The following BUB1 variants were observed in gnomAD, a reference collection of about 807,000 sequenced individuals.
BUB1 encodes mitotic checkpoint serine/threonine-protein kinase BUB1.
BUB1 carries 84 observed loss-of-function variants against 135.2 expected under a neutral mutation model. The observed-to-expected ratio is 0.62, with a 90% CI of 0.52 to 0.74. The LOEUF is 0.74. BUB1 is among the 30% of genes least tolerant of loss of function. The probability of loss-of-function intolerance (pLI) is 0.00; values close to 1 mark genes in which losing one functional copy is unlikely to be tolerated. For synonymous variants in BUB1, 403 were observed against 434.4 expected, an observed-to-expected ratio of 0.93 and a Z score of 0.90; for missense variants, 1,162 against 1,288.3, an observed-to-expected ratio of 0.90 and a Z score of 1.50.
chr2:110,660,092 G>A (rs370924116), intron 10 of BUB1, 56 bp from the exon 11 acceptor site: 9 of 1,461,784 alleles, frequency 6.2e-6, no homozygotes, highest in South Asian at 4.6e-5. Flanking sequence ...ATCTAGGCTG[G>A]GTGCGGTGGT....
chr2:110,676,142 T>C (rs939640052), intron 1 of BUB1, among the ~76,000 whole-genome samples: 1 of 150,808 alleles, frequency 6.6e-6, no homozygotes, highest in African/African-American at 2.4e-5. Flanking sequence ...AATGATAAAC[T>C]GGAAAAACAA....
chr2:110,645,297 G>A (rs1689612605), intron 19 of BUB1, among the ~76,000 whole-genome samples: 1 of 152,046 alleles, frequency 6.6e-6, no homozygotes, highest in South Asian at 2.1e-4. Flanking sequence ...AGCTGGGCGT[G>A]GTGGTGTGCG....
At chr2:110,641,952 A>C (rs1689517396) in intron 20 of BUB1, 149 bp from the exon 21 acceptor site, 1 of 1,105,858 alleles carries the variant, frequency 9.0e-7, no homozygotes. Context: ...GCTCCAAGAC[A>C]ATTTTAGTGG....
At position 110,667,521 on chromosome 2, in the gene BUB1, C is replaced by T. The variant is rs1469838937; in HGVS notation, c.805G>A (p.Val269Ile). The T allele has an allele frequency of 1.9e-6, 3 of 1,608,592 alleles. No homozygotes were observed. The highest frequency in any genetic ancestry group is 1.7e-5 in the Admixed American group (1 of 58,730). The change falls in exon 8 of 25, where the codon GTA becomes ATA. Residue 269 changes from valine (V) to isoleucine (I), a missense_variant and splice_region_variant. By Grantham distance (29) the Val-to-Ile change is conservative. Coordinates refer to ENST00000302759, the MANE Select transcript of BUB1 (RefSeq NM_004336.5). ...YNQRRKHEQW[V>I]NEDRHYMKRK... ...ACTAAAAATACAAGATTGCAAGTACCCCATTGCTCATGCTTTCTCCGTTGA... is the reference window on the plus strand; with the variant it reads ...ACTAAAAATACAAGATTGCAAGTACTCCATTGCTCATGCTTTCTCCGTTGA...
chr2:110,642,117 A>C lies in BUB1; in HGVS notation c.2463+2T>G. The stretch of plus-strand genomic sequence containing the variant: ...ATACAAAAGACAACTCAGGTCATTT[A>C]CCTTTAAAACAAATTTCTGTTTATT... On this transcript the variant is annotated splice_donor_variant, in intron 20 of 24. Coordinates refer to ENST00000302759, the MANE Select transcript of BUB1 (RefSeq NM_004336.5). LOFTEE classifies it high-confidence loss of function. 1 of 1,595,852 alleles carries C rather than the reference A, an allele frequency of 6.3e-7. No individual in the cohort carries two copies. Among genetic ancestry groups the C allele is most frequent in the Non-Finnish European group, 8.6e-7 (1 of 1,168,800 alleles).
intron 16 of BUB1, among the ~76,000 whole-genome samples, chr2:110,655,538 A>C (rs1440754030): frequency 2.0e-5 from 3 of 152,168 alleles, no homozygotes; most frequent in Non-Finnish European, 4.4e-5. Context: ...AAATACATAG[A>C]CTTTAGGAAG....
intron 1 of BUB1, among the ~76,000 whole-genome samples, 156 bp downstream of exon 1, chr2:110,677,814 G>A (rs952940259): frequency 6.6e-6 from 1 of 152,192 alleles, no homozygotes; most frequent in Non-Finnish European, 1.5e-5. Context: ...GCCCTCCCCG[G>A]CTCTCAAGCA....
intron 23 of BUB1, 60 bp downstream of exon 23, chr2:110,640,974 G>T: frequency 1.4e-6 from 2 of 1,477,784 alleles, no homozygotes. Flanking sequence ...AATTCATTTT[G>T]AAAATCTGAT....
chr2:110,639,892 C>T, intron 23 of BUB1, 44 bp from the exon 24 acceptor site: 1 of 1,429,162 alleles, frequency 7.0e-7, no homozygotes, highest in Non-Finnish European at 9.9e-7. Context: ...TAGTAATTTA[C>T]ACATGACTAT....
intron 4 of BUB1, 23 bp from the exon 5 acceptor site, chr2:110,670,591 T>A: frequency 6.2e-7 from 1 of 1,612,168 alleles, no homozygotes; most frequent in Non-Finnish European, 8.5e-7. Context: ...AGAAAAGGCA[T>A]CAATGTAGAT....
chr2:110,641,932 T>C, intron 20 of BUB1, 129 bp from the exon 21 acceptor site: 4 of 1,162,158 alleles, frequency 3.4e-6, no homozygotes, highest in Non-Finnish European at 4.9e-6. Flanking sequence ...GTTGCTGCAA[T>C]GTGGGGCTTG....
rs114676447 is a variant in BUB1, at chr2:110,640,897, T to C, written c.2955+137A>G. 5.2e-4 allele frequency: 389 copies of C among 751,518 alleles called. No homozygotes were observed. The African/African-American group carries it at 6.2e-3, about 12-fold the overall frequency. 46.6% of individuals were successfully genotyped at this position (751,518 alleles called of 1,614,324 possible). On this transcript the variant is annotated intron_variant, in intron 23 of 24. Transcript: ENST00000302759. Reference sequence around the variant, plus strand: ...GGAATAGAATTCTATCCCTGCCATGTTGGCCTTAGGCTCATCTCTCCTTCA... The same window carrying C: ...GGAATAGAATTCTATCCCTGCCATGCTGGCCTTAGGCTCATCTCTCCTTCA...
intron 5 of BUB1, among the ~76,000 whole-genome samples, chr2:110,670,041 G>T (rs907735590): frequency 6.6e-6 from 1 of 151,452 alleles, no homozygotes; most frequent in Non-Finnish European, 1.5e-5. Context: ...CTGCTCTTTG[G>T]GGCTATTTAG....
Position 110,655,769 on chromosome 2 carries a change from CTGGAA to C in BUB1, c.1841_1845del (p.Leu614ArgfsTer10), listed in dbSNP as rs1689915778. 6.2e-7 allele frequency: 1 copy of C among 1,613,700 alleles called. No homozygotes were observed. The highest frequency in any genetic ancestry group is 1.7e-5 in the Admixed American group (1 of 59,976). ...TCTTCTAAAATGTGCACTGACTCCA[CTGGAA>C]GCTTGTGGAATGGTGTAGACGCAAG... On this transcript the variant is annotated frameshift_variant, in exon 16 of 25. Coordinates refer to ENST00000302759, the MANE Select transcript of BUB1 (RefSeq NM_004336.5). LOFTEE classifies it high-confidence loss of function.
intron 11 of BUB1, 152 bp from the exon 12 acceptor site, chr2:110,658,894 T>G: frequency 1.0e-6 from 1 of 975,436 alleles, no homozygotes; most frequent in East Asian, 2.6e-5. Flanking sequence ...TTCATATATT[T>G]CATTTTTATC....
At chr2:110,673,883 G>A (rs1381559501) in intron 3 of BUB1, among the ~76,000 whole-genome samples, 1 of 152,204 alleles carries the variant, frequency 6.6e-6, no homozygotes, top group African/African-American at 2.4e-5. Flanking sequence ...ACAGGTGTGA[G>A]CCACTGCGCC....
Position 110,641,024 on chromosome 2 carries a change from A to G in BUB1, c.2955+10T>C, listed in dbSNP as rs1278205372. On this transcript the variant is annotated intron_variant, in intron 23 of 24. Transcript: ENST00000302759. ...AAAATATTTCCAAGTCCCTCACTTT[A>G]GTTTTATACCTGGTAGTTCCATGGT... The G allele has an allele frequency of 6.5e-7, 1 of 1,543,412 alleles. No individual in the cohort carries two copies. The highest frequency in any genetic ancestry group is 8.7e-7 in the Non-Finnish European group (1 of 1,147,718).
chr2:110,650,928 G>A (rs1314364596), intron 17 of BUB1, 144 bp from the exon 18 acceptor site: 1 of 709,540 alleles, frequency 1.4e-6, no homozygotes, highest in Non-Finnish European at 2.4e-6. Context: ...AGCATTTTTA[G>A]ACAAACAAAT....
intron 9 of BUB1, among the ~76,000 whole-genome samples, chr2:110,664,937 T>C (rs1690203961): frequency 6.6e-6 from 1 of 152,210 alleles, no homozygotes; most frequent in African/African-American, 2.4e-5. Context: ...GTTAGCCAAA[T>C]GTGTACAAGA....
Sources: allele counts gnomAD v4.1 joint callset (sites outside exome capture counted in the v4.1 genomes callset), GRCh38; gene constraint gnomAD v4.1.1; transcripts MANE v1.5; gene names NCBI Gene and HGNC (gene_info 2026-07-23, HGNC 2026-07-21).